Variants in TENM1 observed in about 807,000 individuals in gnomAD.
The protein encoded by TENM1 is teneurin-1.
A neutral mutation model predicts 174.8 loss-of-function variants in TENM1; 35 were observed. The observed-to-expected ratio is 0.20, with a 90% confidence interval of 0.15 to 0.27. The LOEUF (loss-of-function observed/expected upper bound fraction) is 0.27, where lower values mean the gene tolerates loss of function less well. Ranked by LOEUF, TENM1 falls within the 10% of genes least tolerant of loss-of-function variation. TENM1 has a pLI of 1.00. For synonymous variants in TENM1, 781 were observed against 798.7 expected, an observed-to-expected ratio of 0.98 and a Z score of 0.37; for missense variants, 1,633 against 2,130.1, an observed-to-expected ratio of 0.77 and a Z score of 4.59.
intron 3 of TENM1, among the ~76,000 whole-genome samples, chrX:124,765,602 G>A (rs1047756267): frequency 2.7e-5 from 3 of 112,101 alleles, no homozygotes; most frequent in Non-Finnish European, 3.8e-5. Flanking sequence ...TGAATGATTT[G>A]CCTGCTTCCC....
chrX:125,077,002 T>C, the TENM1 span, among the ~76,000 whole-genome samples: 1 of 111,178 alleles, frequency 9.0e-6, no homozygotes, highest in Non-Finnish European at 1.9e-5. Context: ...ATTTTCCCTT[T>C]CTGCTACTTT....
At position 124,910,737 on chromosome X, in the gene TENM1, C is replaced by T. The variant is rs140431777; in HGVS notation, c.218-14496G>A. ...CATATTCAGCATCAATTACTTTGGC[C>T]GTTTTCACTTCCTTTTCCAGAATTC... On this transcript the variant is annotated intron_variant, in intron 1 of 31. Coordinates refer to ENST00000422452, the Ensembl canonical transcript of TENM1. Among the ~76,000 whole-genome samples the T allele has an allele frequency of 5.0e-4, 55 of 110,932 alleles. 1 individual carries two copies. The East Asian group carries it at 0.013, about 27-fold the overall frequency.
chrX:125,004,810 T>C, the TENM1 span, among the ~76,000 whole-genome samples: 3 of 111,927 alleles, frequency 2.7e-5, no homozygotes, highest in African/African-American at 9.7e-5. Flanking sequence ...TTTTCTATGT[T>C]TTTTTCTTTT....
rs1268459040 is a variant in TENM1, at chrX:124,574,730, GA to G, written c.2078-9171del. On this transcript the variant is annotated intron_variant, in intron 11 of 31. Coordinates refer to ENST00000422452, the Ensembl canonical transcript of TENM1. ...TGATTAATATTAGAAATAACAGTAA[GA>G]AAAAAAAGTAAGGTTATATTGGCAA... Among the ~76,000 whole-genome samples the G allele has an allele frequency of 4.5e-3, 493 of 110,288 alleles. 3 individuals carry two copies. Among genetic ancestry groups the G allele is most frequent in the African/African-American group, 0.015 (456 of 30,406 alleles).
intron 1 of TENM1, among the ~76,000 whole-genome samples, chrX:124,953,024 G>GA (rs1183650290): frequency 9.0e-6 from 1 of 111,442 alleles, no homozygotes; most frequent in Non-Finnish European, 1.9e-5. Flanking sequence ...ATTATAATGA[G>GA]AAAAAAGTGT....
chrX:124,742,628 G>A (rs1297040778), intron 3 of TENM1, among the ~76,000 whole-genome samples: 1 of 110,706 alleles, frequency 9.0e-6, no homozygotes, highest in Non-Finnish European at 1.9e-5. Flanking sequence ...CTCTGGGTGA[G>A]TGTATATATA....
chrX:124,533,245 GTGGATGGTAGCCTTGTATCTGGTT>G (rs1391243158), intron 15 of TENM1, among the ~76,000 whole-genome samples: 1 of 111,817 alleles, frequency 8.9e-6, no homozygotes, highest in Admixed American at 9.5e-5. Context: ...CTTAATAATT[GTGGATGGTAGCCTTGTATCTGGTT>G]TGTTTTTCCT....
the TENM1 span, among the ~76,000 whole-genome samples, chrX:125,160,213 AAAAAAAG>A: frequency 1.9e-5 from 2 of 104,648 alleles, no homozygotes; most frequent in South Asian, 4.4e-4. Flanking sequence ...ATGAAAAAAA[AAAAAAAG>A]AAAAAAGAAA....
chrX:124,814,744 G>A (rs962812664), intron 3 of TENM1, among the ~76,000 whole-genome samples: 2 of 111,154 alleles, frequency 1.8e-5, no homozygotes, highest in Non-Finnish European at 3.8e-5. Context: ...GATAGAGTAG[G>A]GTAAACACAA....
intron 18 of TENM1, among the ~76,000 whole-genome samples, chrX:124,505,351 GTC>G (rs1437515466): frequency 9.0e-6 from 1 of 111,500 alleles, no homozygotes; most frequent in African/African-American, 3.3e-5. Context: ...GAAACTAATC[GTC>G]TCTGTCAATG....
At chrX:124,600,644 C>T (rs903651620) in intron 11 of TENM1, among the ~76,000 whole-genome samples, 4 of 111,323 alleles carry the variant, frequency 3.6e-5, no homozygotes, top group Admixed American at 1.9e-4. Flanking sequence ...GCAAACACAA[C>T]ATTAATTCTA....
chrX:124,499,092 G>A (rs1347960817), intron 19 of TENM1, among the ~76,000 whole-genome samples: 1 of 111,773 alleles, frequency 8.9e-6, no homozygotes, highest in Non-Finnish European at 1.9e-5. Context: ...CCATGTGTCA[G>A]ACTGAAGTCA....
At chrX:124,428,715 A>T (rs764653593) in intron 23 of TENM1, among the ~76,000 whole-genome samples, 1 of 99,647 alleles carries the variant, frequency 1.0e-5, no homozygotes, top group Non-Finnish European at 2.1e-5. Context: ...AGCAAGTGGT[A>T]TTAATAGTAA....
chrX:124,803,250 G>A (rs1424068612), intron 3 of TENM1, among the ~76,000 whole-genome samples: 1 of 111,706 alleles, frequency 9.0e-6, no homozygotes. Flanking sequence ...TATTACAGTT[G>A]CTCTTGAAAC....
At chrX:124,779,279 G>A (rs781598600) in intron 3 of TENM1, among the ~76,000 whole-genome samples, 1 of 111,624 alleles carries the variant, frequency 9.0e-6, no homozygotes, top group Non-Finnish European at 1.9e-5. Flanking sequence ...CCTCAAAGAC[G>A]ATTCATTTCT....
At chrX:125,160,156 C>T in the TENM1 span, among the ~76,000 whole-genome samples, 3 of 102,513 alleles carry the variant, frequency 2.9e-5, no homozygotes, top group Non-Finnish European at 2.0e-5. Context: ...GCTGAGATCA[C>T]CACTACTGCA....
chrX:124,420,880 C>G (rs930748718), intron 24 of TENM1, 59 bp from the exon 28 acceptor site: 2 of 1,057,880 alleles, frequency 1.9e-6, no homozygotes, highest in Non-Finnish European at 2.6e-6. Flanking sequence ...ATGAACATAC[C>G]ACAGACATAA....
the TENM1 span, among the ~76,000 whole-genome samples, chrX:125,038,577 G>GA: frequency 9.0e-6 from 1 of 111,127 alleles, no homozygotes; most frequent in African/African-American, 3.3e-5. Flanking sequence ...TCTGAGGACC[G>GA]AACAGGAGTA....
chrX:125,086,361 G>C, the TENM1 span, among the ~76,000 whole-genome samples: 1 of 110,105 alleles, frequency 9.1e-6, no homozygotes, highest in Non-Finnish European at 1.9e-5. Flanking sequence ...TAAAACCTAG[G>C]AATTAATTTG....
Sources: allele counts gnomAD v4.1 joint callset (sites outside exome capture counted in the v4.1 genomes callset), GRCh38; gene constraint gnomAD v4.1.1; transcripts MANE v1.5; gene names NCBI Gene and HGNC (gene_info 2026-07-23, HGNC 2026-07-21).